Variants in EDIL3 observed in about 807,000 individuals in gnomAD.
EDIL3 encodes the protein EGF like and discoidin domains 3, also known as EGF-like repeat and discoidin I-like domain-containing protein 3.
Under a neutral mutation model 67.4 loss-of-function variants are expected in EDIL3, and 37 were observed. The ratio of observed to expected loss-of-function variants is 0.55; its 90% CI spans 0.42 to 0.72. EDIL3 has a LOEUF of 0.72. Ranked by LOEUF, EDIL3 falls within the 30% of genes least tolerant of loss-of-function variation. The probability of loss-of-function intolerance (pLI) is 0.00; values close to 1 mark genes in which losing one functional copy is unlikely to be tolerated. For missense variants in EDIL3, 527 were observed against 586.3 expected, an observed-to-expected ratio of 0.90 and a Z score of 1.04; for synonymous variants, 195 against 196.3, an observed-to-expected ratio of 0.99 and a Z score of 0.05.
At chr5:83,996,045 G>C (rs1214816307) in intron 9 of EDIL3, among the ~76,000 whole-genome samples, 1 of 152,064 alleles carries the variant, frequency 6.6e-6, no homozygotes, top group Non-Finnish European at 1.5e-5. Flanking sequence ...AATGATCCCT[G>C]GTAAATCGGA....
At chr5:84,319,787 G>T (rs186255091) in intron 1 of EDIL3, among the ~76,000 whole-genome samples, 1 of 152,254 alleles carries the variant, frequency 6.6e-6, no homozygotes, top group East Asian at 1.9e-4. Context: ...TAAAGAAAAT[G>T]AGGTACATAT....
intron 2 of EDIL3, among the ~76,000 whole-genome samples, chr5:84,245,395 T>A (rs767940592): frequency 6.6e-6 from 1 of 152,200 alleles, no homozygotes; most frequent in Non-Finnish European, 1.5e-5. Context: ...TTAAGCTTCC[T>A]CTTCATTATA....
intron 1 of EDIL3, among the ~76,000 whole-genome samples, chr5:84,371,341 A>ATATATATATATATATATG (rs1008172581): frequency 6.9e-5 from 9 of 129,684 alleles, no homozygotes; most frequent in Non-Finnish European, 1.2e-4. Flanking sequence ...ATATATATAT[A>ATATATATATATATATATG]TGTGTGTGTG....
chr5:84,206,171 C>T (rs978269158), intron 3 of EDIL3, among the ~76,000 whole-genome samples: 5 of 151,994 alleles, frequency 3.3e-5, no homozygotes, highest in Non-Finnish European at 7.4e-5. Flanking sequence ...TCGTTAGGTA[C>T]CCAGTAGTCA....
chr5:84,078,285 T>C (rs1200833030), intron 6 of EDIL3, among the ~76,000 whole-genome samples: 2 of 152,100 alleles, frequency 1.3e-5, no homozygotes, highest in Non-Finnish European at 2.9e-5. Context: ...ATATAAAGTG[T>C]ACCTGTGTGT....
intron 1 of EDIL3, among the ~76,000 whole-genome samples, chr5:84,346,230 G>A (rs1420043701): frequency 7.0e-6 from 1 of 143,190 alleles, no homozygotes; most frequent in African/African-American, 2.6e-5. Flanking sequence ...TGCAACCTCC[G>A]CCTCCCGGGT....
intron 9 of EDIL3, among the ~76,000 whole-genome samples, chr5:84,000,189 A>G (rs1745308204): frequency 6.6e-6 from 1 of 152,184 alleles, no homozygotes; most frequent in African/African-American, 2.4e-5. Context: ...TTAATGAGCA[A>G]CAAGAAATCA....
chr5:84,243,071 A>ATGTG lies in EDIL3; in HGVS notation c.196+11009_196+11012dup, dbSNP rs35700768. ...CCCTTGTTTATTTTCAGGTTATTTT[A>ATGTG]TGTGTGTGTGTGTGTGTGTAAATGA... On this transcript the variant is annotated intron_variant, in intron 2 of 10. Transcript: ENST00000296591. Among the ~76,000 whole-genome samples, 670 of 151,486 alleles carry ATGTG rather than the reference A, an allele frequency of 4.4e-3. 4 individuals carry two copies. Among genetic ancestry groups the ATGTG allele is most frequent in the African/African-American group, 0.016 (642 of 41,288 alleles).
At chr5:84,240,465 T>A (rs555537615) in intron 2 of EDIL3, among the ~76,000 whole-genome samples, 1 of 152,156 alleles carries the variant, frequency 6.6e-6, no homozygotes, top group Non-Finnish European at 1.5e-5. Context: ...TGAACCGGTA[T>A]GGGTCCCTGG....
rs887997038 is a variant in EDIL3 at position 84,121,414 on chromosome 5, T to C, written c.470-14584A>G. 2.0e-5 allele frequency among the ~76,000 whole-genome samples: 3 copies of C among 152,000 alleles called. No individual in the cohort carries two copies. In the South Asian group the frequency reaches 6.2e-4, roughly 31 times the overall value. The stretch of plus-strand genomic sequence containing the variant: ...TTTTCTCATCTAGCCAATTCTGTTG[T>C]AGCCCAGAATCTCACTGCCAGTACT... On this transcript the variant is annotated intron_variant, in intron 5 of 10. Transcript: ENST00000296591.
At chr5:84,005,514 G>T (rs1468988943) in intron 9 of EDIL3, among the ~76,000 whole-genome samples, 1 of 152,096 alleles carries the variant, frequency 6.6e-6, no homozygotes, top group East Asian at 1.9e-4. Flanking sequence ...TACAAGGTTG[G>T]TTCAACATAC....
chr5:84,331,020 G>C (rs1746860443), intron 1 of EDIL3, among the ~76,000 whole-genome samples: 3 of 152,192 alleles, frequency 2.0e-5, no homozygotes, highest in Admixed American at 2.0e-4. Flanking sequence ...TTTAATGACT[G>C]TCCTATTGGA....
intron 2 of EDIL3, among the ~76,000 whole-genome samples, chr5:84,232,534 C>T (rs1024505239): frequency 2.6e-5 from 4 of 152,108 alleles, no homozygotes; most frequent in Non-Finnish European, 5.9e-5. Flanking sequence ...GTAATCAGAA[C>T]CTTTGAAAAA....
intron 10 of EDIL3, among the ~76,000 whole-genome samples, chr5:83,951,134 T>C (rs578024062): frequency 7.5e-4 from 114 of 151,734 alleles, no homozygotes; most frequent in Admixed American, 3.4e-3. Context: ...TTTTGCTTGA[T>C]GGGAGAAGTG....
chr5:84,141,561 GGAAGAAGAAA>G (rs1224584861), intron 4 of EDIL3, among the ~76,000 whole-genome samples: 3 of 146,820 alleles, frequency 2.0e-5, no homozygotes, highest in Admixed American at 6.9e-5. Flanking sequence ...ATTTTTTGGT[GGAAGAAGAAA>G]GAAGAAGAAA....
intron 10 of EDIL3, among the ~76,000 whole-genome samples, chr5:83,955,421 A>G (rs887355609): frequency 1.0e-5 from 1 of 98,356 alleles, no homozygotes. Flanking sequence ...CCTTTTTTGC[A>G]GAAACGTGCT....
At chr5:84,327,736 T>A (rs186509945) in intron 1 of EDIL3, among the ~76,000 whole-genome samples, 1 of 152,150 alleles carries the variant, frequency 6.6e-6, no homozygotes, top group African/African-American at 2.4e-5. Flanking sequence ...AAGTTTACGT[T>A]TGGAGCCATA....
At chr5:83,987,806 T>G (rs966897039) in intron 9 of EDIL3, among the ~76,000 whole-genome samples, 4 of 151,510 alleles carry the variant, frequency 2.6e-5, no homozygotes, top group Admixed American at 6.6e-5. Flanking sequence ...AATGTAAAAA[T>G]TCTTTTTCAC....
chr5:83,978,686 C>T (rs1744913904), intron 9 of EDIL3, among the ~76,000 whole-genome samples: 1 of 151,892 alleles, frequency 6.6e-6, no homozygotes, highest in African/African-American at 2.4e-5. Context: ...AAGACAGAAA[C>T]AGGGTCATCT....
Sources: allele counts gnomAD v4.1 joint callset (sites outside exome capture counted in the v4.1 genomes callset), GRCh38; gene constraint gnomAD v4.1.1; transcripts MANE v1.5; gene names NCBI Gene and HGNC (gene_info 2026-07-23, HGNC 2026-07-21).